TKT: variants seen among roughly 807,000 people sequenced by gnomAD.
TKT encodes the protein epididymis luminal protein 107.
A neutral mutation model predicts 63.9 loss-of-function variants in TKT; 47 were observed. That is an observed-to-expected ratio of 0.74 (90% CI 0.58 to 0.94). TKT has a LOEUF of 0.94. Among genes scored for constraint, TKT ranks in the 40% least tolerant of loss-of-function variants. The pLI, the probability that TKT is intolerant of heterozygous loss-of-function variation, is 0.00. For synonymous variants in TKT, 338 were observed against 334.1 expected, an observed-to-expected ratio of 1.01 and a Z score of -0.13; for missense variants, 721 against 846.2, an observed-to-expected ratio of 0.85 and a Z score of 1.84.
At chr3:53,233,508 T>C (rs1704869705) in intron 5 of TKT, 1 of 439,082 alleles carries the variant, frequency 2.3e-6, no homozygotes, top group South Asian at 3.6e-5. Flanking sequence ...GAACAGGTTT[T>C]CCTCCTCCTC....
chr3:53,242,100 T>C (rs781989832), intron 2 of TKT, 25 bp downstream of exon 2: 3 of 1,607,098 alleles, frequency 1.9e-6, no homozygotes, highest in Non-Finnish European at 2.6e-6. Context: ...AAGGTGTGGC[T>C]GGCAGTGGGC....
intron 1 of TKT, among the ~76,000 whole-genome samples, chr3:53,242,608 G>C (rs551272707): frequency 6.6e-6 from 1 of 152,302 alleles, no homozygotes; most frequent in South Asian, 2.1e-4. Context: ...GCGGCTGGGG[G>C]CAGCTGCTGT....
At chr3:53,230,215 C>T (rs11717712) in intron 8 of TKT, among the ~76,000 whole-genome samples, 2,356 of 152,372 alleles carry the variant, frequency 0.015, 33 homozygotes, top group Non-Finnish European at 0.022. Flanking sequence ...CTCCTGAGAG[C>T]ACCTGCAGTC....
chr3:53,233,000 G>T (rs1704837157), intron 6 of TKT, 156 bp downstream of exon 6: 2 of 647,188 alleles, frequency 3.1e-6, no homozygotes, highest in East Asian at 2.8e-5. Context: ...AGCCACAGGG[G>T]TCACTGAGTC....
chr3:53,251,684 A>G (rs1317995502), intron 1 of TKT, among the ~76,000 whole-genome samples: 3 of 152,210 alleles, frequency 2.0e-5, no homozygotes, highest in African/African-American at 7.2e-5. Flanking sequence ...AGATTGGACC[A>G]AAGCTAGACA....
At chr3:53,255,031 G>A (rs975861576) in intron 1 of TKT, among the ~76,000 whole-genome samples, 7 of 152,170 alleles carry the variant, frequency 4.6e-5, no homozygotes, top group African/African-American at 1.7e-4. Flanking sequence ...CCGGCGCTCA[G>A]CCTTCTCAGT....
intron 4 of TKT, among the ~76,000 whole-genome samples, chr3:53,236,881 C>T (rs1016984331): frequency 3.9e-5 from 6 of 152,228 alleles, no homozygotes; most frequent in Non-Finnish European, 7.3e-5. Context: ...TGGGCTAACC[C>T]TGAGGCTTGG....
At chr3:53,249,190 G>A (rs1327259359) in intron 1 of TKT, among the ~76,000 whole-genome samples, 9 of 148,418 alleles carry the variant, frequency 6.1e-5, no homozygotes, top group Non-Finnish European at 1.2e-4. Flanking sequence ...GGGCTGTCTC[G>A]AACTCCTGAC....
At chr3:53,240,078 C>T (rs554263549) in intron 4 of TKT, among the ~76,000 whole-genome samples, 173 bp downstream of exon 4, 1 of 152,212 alleles carries the variant, frequency 6.6e-6, no homozygotes, top group Non-Finnish European at 1.5e-5. Context: ...TAAAGGGGGC[C>T]GGTCATGGCA....
In TKT at chr3:53,229,430, T is replaced by G; in HGVS notation, c.1114A>C (p.Ile372Leu). 1 of 1,605,564 alleles carries G rather than the reference T, an allele frequency of 6.2e-7. No individual in the cohort carries two copies. The highest frequency in any genetic ancestry group is 8.5e-7 in the Non-Finnish European group (1 of 1,176,212). ...CYIAEQNMVSIAVGCATRNRT... is the reference protein window; with the variant it reads ...CYIAEQNMVSLAVGCATRNRT... ...TTGCGGGTGGCACAGCCCACCGCGA[T>G]GCTCACCTGGGGGCAGGTGGGACAG... The change falls in exon 9 of 14, where the codon ATC (isoleucine) becomes CTC (leucine). Residue 372 changes from isoleucine to leucine, a missense_variant. Transcript: ENST00000462138.
In TKT at chr3:53,240,239, T is replaced by A; in HGVS notation, c.437+12A>T. ...AACTACCCAGGTTGGGGGTGGGGAGTAGGTGTGTTACCTGGCCTTGTCGAA... is the reference window on the plus strand; with the variant it reads ...AACTACCCAGGTTGGGGGTGGGGAGAAGGTGTGTTACCTGGCCTTGTCGAA... On this transcript the variant is annotated intron_variant, in intron 4 of 13. Coordinates refer to ENST00000462138, the MANE Select transcript of TKT (RefSeq NM_001064.4). 6.2e-7 allele frequency: 1 copy of A among 1,607,452 alleles called. No homozygotes were observed. The highest frequency in any genetic ancestry group is 8.5e-7 in the Non-Finnish European group (1 of 1,175,234).
chr3:53,244,247 G>A (rs1259727340), intron 1 of TKT, among the ~76,000 whole-genome samples: 1 of 152,182 alleles, frequency 6.6e-6, no homozygotes, highest in African/African-American at 2.4e-5. Flanking sequence ...GAACGCTTAG[G>A]AGCCAGGTGT....
intron 4 of TKT, among the ~76,000 whole-genome samples, chr3:53,236,448 C>T (rs1367412733): frequency 6.6e-6 from 1 of 152,186 alleles, no homozygotes; most frequent in African/African-American, 2.4e-5. Context: ...AGGTGGTGCC[C>T]CTGTGGGGTA....
chr3:53,242,124 C>A lies in TKT; in HGVS notation c.225+1G>T. The A allele has an allele frequency of 6.2e-7, 1 of 1,613,872 alleles. No individual in the cohort carries two copies. The highest frequency in any genetic ancestry group is 8.5e-7 in the Non-Finnish European group (1 of 1,179,822). On this transcript the variant is annotated splice_donor_variant, in intron 2 of 13. Transcript: ENST00000462138. LOFTEE classifies it high-confidence loss of function. ...CTGGCAGTGGGCAGCTGGGCTCTTA[C>A]CTTGGAGAGCACAAAGCGGTCATTG... is the stretch of plus-strand genomic sequence containing the variant.
At chr3:53,228,814 A>G (rs1575559565) in intron 10 of TKT, 193 bp downstream of exon 10, 1 of 769,426 alleles carries the variant, frequency 1.3e-6, no homozygotes, top group East Asian at 2.6e-5. Context: ...TCAGTTGACA[A>G]TGTCTGCCAC....
At chr3:53,231,581 T>C in intron 6 of TKT, 31 bp from the exon 7 acceptor site, 1 of 1,590,110 alleles carries the variant, frequency 6.3e-7, no homozygotes, top group South Asian at 1.1e-5. Flanking sequence ...GACAGAGGAA[T>C]GGGTAAGACA....
chr3:53,228,167 G>T lies in TKT; in HGVS notation c.1480-18C>A, dbSNP rs782368800. 2.5e-6 allele frequency: 4 copies of T among 1,613,996 alleles called. No individual in the cohort carries two copies. The highest frequency in any genetic ancestry group is 8.5e-7 in the Non-Finnish European group (1 of 1,179,908). On this transcript the variant is annotated intron_variant, in intron 11 of 13. Transcript: ENST00000462138. ...AGGACCACCTGGGGGTGACACAGAG[G>T]GTGAGTAAGGCTCAGGGCCCTGGGG...
intron 12 of TKT, 137 bp downstream of exon 12, chr3:53,227,919 A>G: frequency 1.3e-6 from 1 of 747,918 alleles, no homozygotes. Context: ...AATTGCTATC[A>G]TTATTTAATG....
chr3:53,235,986 A>T (rs1444380891), intron 4 of TKT, among the ~76,000 whole-genome samples: 2 of 152,288 alleles, frequency 1.3e-5, no homozygotes, highest in Non-Finnish European at 2.9e-5. Context: ...GGACGGCAGC[A>T]ACAGACAGGA....
Sources: gnomAD v4.1 joint callset for allele counts (sites outside exome capture counted in the v4.1 genomes callset) on GRCh38, gnomAD v4.1.1 for gene constraint, MANE v1.5 for transcripts, NCBI Gene and HGNC (gene_info 2026-07-23, HGNC 2026-07-21) for gene names.